The following SORCS3 variants were observed in gnomAD, a reference collection of about 807,000 sequenced individuals.
SORCS3 encodes sortilin related VPS10 domain containing receptor 3.
Under a neutral mutation model 146.3 loss-of-function variants are expected in SORCS3, and 57 were observed. The observed-to-expected ratio is 0.39, with a 90% CI of 0.31 to 0.49. The LOEUF is 0.49. Ranked by LOEUF, SORCS3 falls within the 20% of genes least tolerant of loss-of-function variation. SORCS3 has a pLI of 0.92. For missense variants in SORCS3, 1,341 were observed against 1,575.5 expected (o/e 0.85, Z 2.52); for synonymous variants, 653 against 618.5 (o/e 1.06, Z -0.83).
chr10:104,658,792 T>C (rs1436693027), intron 1 of SORCS3, among the ~76,000 whole-genome samples: 1 of 152,208 alleles, frequency 6.6e-6, no homozygotes, highest in Non-Finnish European at 1.5e-5. Context: ...CATGCTGCAA[T>C]AGGACTCTGG....
chr10:105,030,595 C>CTT (rs34314523), intron 4 of SORCS3, among the ~76,000 whole-genome samples: 14,053 of 144,072 alleles, frequency 0.098, 1,037 homozygotes, highest in African/African-American at 0.21. Flanking sequence ...GCTGAAGATC[C>CTT]TTTTTTTTTT....
intron 1 of SORCS3, among the ~76,000 whole-genome samples, chr10:104,810,893 C>G (rs535317094): frequency 1.3e-5 from 2 of 152,110 alleles, no homozygotes; most frequent in South Asian, 4.2e-4. Flanking sequence ...GCGATAGTGC[C>G]TAGGGAGAAA....
intron 1 of SORCS3, among the ~76,000 whole-genome samples, chr10:104,669,640 G>T (rs923805144): frequency 6.6e-6 from 1 of 152,130 alleles, no homozygotes; most frequent in Non-Finnish European, 1.5e-5. Context: ...TTCGTCTGTT[G>T]ATGAACACTT....
intron 3 of SORCS3, among the ~76,000 whole-genome samples, chr10:104,935,002 A>G (rs1243572917): frequency 2.0e-5 from 3 of 152,194 alleles, no homozygotes; most frequent in African/African-American, 7.2e-5. Context: ...TCTAAATGTC[A>G]GTGGGGAATG....
At chr10:104,967,122 C>G (rs2054830225) in intron 3 of SORCS3, among the ~76,000 whole-genome samples, 1 of 152,070 alleles carries the variant, frequency 6.6e-6, no homozygotes, top group South Asian at 2.1e-4. Flanking sequence ...TGTTTAGTTT[C>G]CTCATGGGGT....
At chr10:104,652,071 G>A (rs928919681) in intron 1 of SORCS3, among the ~76,000 whole-genome samples, 1 of 151,780 alleles carries the variant, frequency 6.6e-6, no homozygotes, top group African/African-American at 2.4e-5. Flanking sequence ...GTGTGTGTGT[G>A]TGTGTGTGTG....
chr10:104,803,325 C>A (rs1343793249), intron 1 of SORCS3, among the ~76,000 whole-genome samples: 3 of 152,116 alleles, frequency 2.0e-5, no homozygotes, highest in Admixed American at 6.5e-5. Context: ...CTGGTAGTCT[C>A]TGTTACAGAT....
At chr10:105,077,814 A>C (rs1311434865) in intron 5 of SORCS3, among the ~76,000 whole-genome samples, 1 of 152,066 alleles carries the variant, frequency 6.6e-6, no homozygotes, top group African/African-American at 2.4e-5. Flanking sequence ...AGCCTGATCT[A>C]CTCAGCTGTT....
intron 1 of SORCS3, among the ~76,000 whole-genome samples, chr10:104,728,905 C>G (rs1195637165): frequency 6.6e-6 from 1 of 152,160 alleles, no homozygotes; most frequent in African/African-American, 2.4e-5. Flanking sequence ...TATAAGAGGA[C>G]TCCATCTGCC....
At chr10:104,727,151 T>G (rs1231302575) in intron 1 of SORCS3, among the ~76,000 whole-genome samples, 1 of 152,228 alleles carries the variant, frequency 6.6e-6, no homozygotes, top group Non-Finnish European at 1.5e-5. Context: ...GCACAGGACT[T>G]TCATGTGGTA....
intron 1 of SORCS3, among the ~76,000 whole-genome samples, chr10:104,757,683 G>T (rs2017070016): frequency 6.6e-6 from 1 of 152,094 alleles, no homozygotes; most frequent in Non-Finnish European, 1.5e-5. Context: ...CAGTTCGGGG[G>T]TGTGAACTTT....
At chr10:105,047,654 T>A (rs1384522843) in intron 5 of SORCS3, among the ~76,000 whole-genome samples, 1 of 152,130 alleles carries the variant, frequency 6.6e-6, no homozygotes, top group Non-Finnish European at 1.5e-5. Context: ...AATGTGTATC[T>A]TGAAGACTGC....
chr10:105,216,942 C>A lies in SORCS3; in HGVS notation c.2554C>A (p.Leu852Ile). ...CTGCTATGCCATCTTGCAGGGTGAT[C>A]TACAAAGGACAAACATCCAGCTTGA... ...TFIILMEEGD[L>I]QRTNIQLDFG... The change falls in exon 19 of 27, where the codon CTA (leucine) becomes ATA (isoleucine). Residue 852 changes from leucine (L) to isoleucine (I), a missense_variant. Leu to Ile is a conservative substitution (Grantham distance 5). Transcript: ENST00000369701. The A allele has an allele frequency of 2.5e-6, 4 of 1,614,160 alleles. No individual in the cohort carries two copies. Among genetic ancestry groups the A allele is most frequent in the Non-Finnish European group, 3.4e-6 (4 of 1,180,026 alleles).
chr10:105,185,607 A>G (rs1186076756), intron 14 of SORCS3, among the ~76,000 whole-genome samples: 2 of 152,256 alleles, frequency 1.3e-5, no homozygotes, highest in East Asian at 1.9e-4. Flanking sequence ...TTTTGTTGAC[A>G]TTTAAGAAAT....
At chr10:105,199,322 T>A (rs1381603093) in intron 14 of SORCS3, among the ~76,000 whole-genome samples, 1 of 152,148 alleles carries the variant, frequency 6.6e-6, no homozygotes, top group Non-Finnish European at 1.5e-5. Context: ...ATTGATTATC[T>A]AAGTCACAGA....
At chr10:105,108,922 A>G (rs1208437777) in intron 7 of SORCS3, among the ~76,000 whole-genome samples, 1 of 152,170 alleles carries the variant, frequency 6.6e-6, no homozygotes, top group Non-Finnish European at 1.5e-5. Flanking sequence ...GGCCATTTGC[A>G]TTGACAGATA....
chr10:104,649,614 G>C (rs1295767952), intron 1 of SORCS3, among the ~76,000 whole-genome samples: 1 of 152,120 alleles, frequency 6.6e-6, no homozygotes, highest in Non-Finnish European at 1.5e-5. Flanking sequence ...ACCTCCCATA[G>C]TTCATGTCCC....
At chr10:105,173,581 C>T (rs1335406552) in intron 13 of SORCS3, among the ~76,000 whole-genome samples, 2 of 152,170 alleles carry the variant, frequency 1.3e-5, no homozygotes, top group African/African-American at 4.8e-5. Flanking sequence ...ACCACCCCTC[C>T]CCAACTCATT....
chr10:104,649,994 C>A (rs2864026), intron 1 of SORCS3, among the ~76,000 whole-genome samples: 15 of 152,068 alleles, frequency 9.9e-5, no homozygotes, highest in South Asian at 4.2e-4. Flanking sequence ...CAAGCAGATC[C>A]CATTGTGCCA....
Sources: allele counts gnomAD v4.1 joint callset (sites outside exome capture counted in the v4.1 genomes callset), GRCh38; gene constraint gnomAD v4.1.1; transcripts MANE v1.5; gene names NCBI Gene and HGNC (gene_info 2026-07-23, HGNC 2026-07-21).